Variants in RAPGEF1 observed in about 807,000 individuals in gnomAD.
The protein encoded by RAPGEF1 is CRK SH3-binding GNRP.
RAPGEF1 carries 33 observed loss-of-function variants against 143.3 expected under a neutral mutation model. The observed-to-expected ratio is 0.23, with a 90% CI of 0.17 to 0.31. The LOEUF is 0.31. Among genes scored for constraint, RAPGEF1 ranks in the 10% least tolerant of loss-of-function variants. RAPGEF1 has a pLI of 1.00. For missense variants in RAPGEF1, 1,199 were observed against 1,645.4 expected (o/e 0.73, Z 4.69); for synonymous variants, 629 against 676.5 (o/e 0.93, Z 1.09).
At chr9:131,618,668 C>T (rs1438371476) in intron 12 of RAPGEF1, among the ~76,000 whole-genome samples, 1 of 152,168 alleles carries the variant, frequency 6.6e-6, no homozygotes, top group African/African-American at 2.4e-5. Flanking sequence ...CCTGTCTCAG[C>T]CTCCTGAGGA....
chr9:131,622,292 C>A (rs1044594607), intron 10 of RAPGEF1, among the ~76,000 whole-genome samples: 13 of 152,230 alleles, frequency 8.5e-5, no homozygotes, highest in African/African-American at 2.4e-4. Context: ...GTCTCAGCTA[C>A]CTCCTGAGCA....
chr9:131,736,207 A>C (rs911552880), intron 1 of RAPGEF1, among the ~76,000 whole-genome samples: 1 of 152,112 alleles, frequency 6.6e-6, no homozygotes, highest in African/African-American at 2.4e-5. Context: ...AGGCCTGCCC[A>C]CAAGCTCACC....
At chr9:131,739,539 C>G (rs1293518715) in intron 1 of RAPGEF1, among the ~76,000 whole-genome samples, 6 of 150,962 alleles carry the variant, frequency 4.0e-5, no homozygotes, top group Non-Finnish European at 3.0e-5. Context: ...TTGCAGGGGC[C>G]CCGCCCGGCC....
chr9:131,624,280 C>T (rs1450087563), intron 10 of RAPGEF1, among the ~76,000 whole-genome samples: 1 of 152,174 alleles, frequency 6.6e-6, no homozygotes, highest in Non-Finnish European at 1.5e-5. Context: ...TCAGGACTAC[C>T]TTCCATAGGG....
chr9:131,622,026 G>T (rs75783909), intron 10 of RAPGEF1, 28 bp from the exon 11 acceptor site: 1 of 1,585,708 alleles, frequency 6.3e-7, no homozygotes, highest in Non-Finnish European at 8.6e-7. Flanking sequence ...AAGCTGCAGC[G>T]AGGCCGGGGG....
At chr9:131,720,739 T>C (rs1836204896) in intron 1 of RAPGEF1, among the ~76,000 whole-genome samples, 1 of 152,118 alleles carries the variant, frequency 6.6e-6, no homozygotes, top group South Asian at 2.1e-4. Flanking sequence ...ATCACTTGCA[T>C]AAAAAATGAA....
At position 131,628,989 on chromosome 9, in the gene RAPGEF1, T is replaced by C; in HGVS notation, c.893+113A>G. ...GGTGGGGACAGCTCCAGAGTCAGCC[T>C]CCCAAGGGGGGCCAAGCCCTCAGCG... is the stretch of plus-strand genomic sequence containing the variant. On this transcript the variant is annotated intron_variant, in intron 7 of 26. Coordinates refer to ENST00000683357, the MANE Select transcript of RAPGEF1 (RefSeq NM_001377935.1). This position sits in a 1 kb window ranked among gnomAD's most constrained non-coding sequence, Gnocchi z 5.7. 7.2e-7 allele frequency: 1 copy of C among 1,390,880 alleles called. No individual in the cohort carries two copies. The highest frequency in any genetic ancestry group is 1.4e-5 in the African/African-American group (1 of 69,084). 86.2% of individuals were successfully genotyped at this position (1,390,880 alleles called of 1,614,324 possible).
intron 1 of RAPGEF1, among the ~76,000 whole-genome samples, chr9:131,661,945 GA>G (rs1974213298): frequency 6.6e-6 from 1 of 152,152 alleles, no homozygotes; most frequent in African/African-American, 2.4e-5. Context: ...CTTACTGTAT[GA>G]AAAATTCTAG....
At chr9:131,619,783 C>T (rs1960211842) in intron 11 of RAPGEF1, among the ~76,000 whole-genome samples, 1 of 152,318 alleles carries the variant, frequency 6.6e-6, no homozygotes, top group African/African-American at 2.4e-5. Flanking sequence ...CATGGGCCAA[C>T]AGGTGTGTGT....
At chr9:131,659,620 A>G (rs1216733595) in intron 1 of RAPGEF1, among the ~76,000 whole-genome samples, 1 of 152,196 alleles carries the variant, frequency 6.6e-6, no homozygotes, top group Non-Finnish European at 1.5e-5. Flanking sequence ...CCACAGACCT[A>G]GCTCCTCCTC....
intron 1 of RAPGEF1, chr9:131,710,004 A>G: frequency 1.1e-6 from 1 of 942,932 alleles, no homozygotes; most frequent in Non-Finnish European, 1.3e-6. Context: ...TCATCAGCAC[A>G]ACAGCGGCTT....
chr9:131,668,923 AACC>A (rs1207674934), intron 1 of RAPGEF1, among the ~76,000 whole-genome samples: 1 of 152,228 alleles, frequency 6.6e-6, no homozygotes, highest in East Asian at 1.9e-4. Flanking sequence ...GGCTCAGAGG[AACC>A]TGCCTGTTAG....
chr9:131,725,962 T>C (rs913474364), intron 1 of RAPGEF1, among the ~76,000 whole-genome samples: 1 of 151,996 alleles, frequency 6.6e-6, no homozygotes, highest in African/African-American at 2.4e-5. Flanking sequence ...GGTTTCACCA[T>C]GTTAGCCAGG....
intron 5 of RAPGEF1, among the ~76,000 whole-genome samples, chr9:131,632,481 T>G (rs1191249322): frequency 6.6e-6 from 1 of 152,118 alleles, no homozygotes; most frequent in Non-Finnish European, 1.5e-5. Context: ...CATGAATGTG[T>G]GCAAAAATTA....
In RAPGEF1 at chr9:131,600,325, G is replaced by A. The variant is rs994971994; in HGVS notation, c.2501+1736C>T. Among the ~76,000 whole-genome samples, 6 of 152,148 alleles carry A rather than the reference G, an allele frequency of 3.9e-5. No individual in the cohort carries two copies. The East Asian group carries it at 5.8e-4, about 15-fold the overall frequency. ...GAGAACCATCTGGAACTCTGAAGAC[G>A]ATACTTTGGGGTCCAGTGAAGCTAG... On this transcript the variant is annotated intron_variant, in intron 15 of 26. Coordinates refer to ENST00000683357, the MANE Select transcript of RAPGEF1 (RefSeq NM_001377935.1).
At chr9:131,652,814 TA>T (rs1163635101) in intron 1 of RAPGEF1, among the ~76,000 whole-genome samples, 2 of 152,192 alleles carry the variant, frequency 1.3e-5, no homozygotes, top group East Asian at 1.9e-4. Flanking sequence ...AAAAGTAGAG[TA>T]AATCCATAAA....
chr9:131,683,508 T>C (rs1833087440), intron 1 of RAPGEF1, among the ~76,000 whole-genome samples: 1 of 152,256 alleles, frequency 6.6e-6, no homozygotes, highest in Non-Finnish European at 1.5e-5. Context: ...TCTCCTGTTA[T>C]AATTCCAAAA....
At chr9:131,660,630 G>A (rs7871214) in intron 1 of RAPGEF1, among the ~76,000 whole-genome samples, 7,549 of 152,110 alleles carry the variant, frequency 0.05, 544 homozygotes, top group African/African-American at 0.16. Context: ...GCCTGTCTGC[G>A]CCCTTGTATG....
At chr9:131,599,647 G>A (rs185811786) in intron 15 of RAPGEF1, among the ~76,000 whole-genome samples, 9 of 152,166 alleles carry the variant, frequency 5.9e-5, no homozygotes, top group African/African-American at 2.2e-4. Flanking sequence ...AAGGTGGGAC[G>A]GCCGGGGGTG....
Sources: gnomAD v4.1 joint callset for allele counts (sites outside exome capture counted in the v4.1 genomes callset) on GRCh38, gnomAD v4.1.1 for gene constraint, Gnocchi (gnomAD v3.1) non-coding constraint, MANE v1.5 for transcripts, NCBI Gene and HGNC (gene_info 2026-07-23, HGNC 2026-07-21) for gene names.